Variants in PAQR8 observed in about 807,000 individuals in gnomAD.
PAQR8 encodes the protein membrane progestin receptor beta.
In PAQR8, 17 loss-of-function variants were observed where a neutral mutation model predicts 25.2. That is an observed-to-expected ratio of 0.67 (90% confidence interval 0.46 to 1.01). The LOEUF is 1.01. Among genes scored for constraint, PAQR8 ranks in the 50% least tolerant of loss-of-function variants. The pLI, the probability that PAQR8 is intolerant of heterozygous loss-of-function variation, is 0.00. For synonymous variants in PAQR8, 204 were observed against 190.6 expected (o/e 1.07, Z -0.58); for missense variants, 392 against 448.4 (o/e 0.87, Z 1.14).
intron 1 of PAQR8, among the ~76,000 whole-genome samples, chr6:52,392,401 C>A (rs1763720458): frequency 6.6e-6 from 1 of 151,644 alleles, no homozygotes; most frequent in Non-Finnish European, 1.5e-5. Context: ...ATTGGGACTT[C>A]TAATTTCTTG....
At chr6:52,370,039 C>G (rs1581788338) in intron 1 of PAQR8, among the ~76,000 whole-genome samples, 1 of 151,712 alleles carries the variant, frequency 6.6e-6, no homozygotes, top group Non-Finnish European at 1.5e-5. Context: ...CATGTTAATT[C>G]ATGAAGTGCT....
chr6:52,406,542 C>T lies in PAQR8; in HGVS notation c.*2264C>T, dbSNP rs1763912122. 2.4e-6 allele frequency: 1 copy of T among 413,332 alleles called. No individual in the cohort carries two copies. The highest frequency in any genetic ancestry group is 2.1e-5 in the African/African-American group (1 of 48,608). 25.6% of individuals were successfully genotyped at this position (413,332 alleles called of 1,614,324 possible). A position where few individuals can be genotyped will look rare whatever the true frequency, so the allele number is the denominator to read the frequency against. On this transcript the variant is annotated 3_prime_UTR_variant, in exon 2 of 2. Coordinates refer to ENST00000442253, the MANE Select transcript of PAQR8 (RefSeq NM_133367.5). ...TTTTAATTTATACAAGTATTGGCCC[C>T]TCAAGTGGTTGGAAATTTTTTTTTT... is the stretch of plus-strand genomic sequence containing the variant.
At chr6:52,363,071 A>G (rs1219209660) in intron 1 of PAQR8, among the ~76,000 whole-genome samples, 3 of 152,072 alleles carry the variant, frequency 2.0e-5, no homozygotes, top group Non-Finnish European at 2.9e-5. Flanking sequence ...GGTCGTAGAT[A>G]ACTCGAGAGG....
At chr6:52,385,642 G>T (rs1242610292) in intron 1 of PAQR8, among the ~76,000 whole-genome samples, 1 of 152,170 alleles carries the variant, frequency 6.6e-6, no homozygotes, top group East Asian at 1.9e-4. Context: ...CTAGCACTTT[G>T]GGGGGCAAGG....
chr6:52,407,031 T>TA lies in PAQR8; in HGVS notation c.*2754dup, dbSNP rs1490343299. 1 of 167,402 alleles carries TA rather than the reference T, an allele frequency of 6.0e-6. No individual in the cohort carries two copies. The highest frequency in any genetic ancestry group is 1.5e-5 in the Non-Finnish European group (1 of 68,348). 10.4% of individuals were successfully genotyped at this position (167,402 alleles called of 1,614,324 possible). A position where few individuals can be genotyped will look rare whatever the true frequency, so the allele number is the denominator to read the frequency against. On this transcript the variant is annotated 3_prime_UTR_variant, in exon 2 of 2. Transcript: ENST00000442253. ...CCTTTTAAAACATTTTTGTTAAAGT[T>TA]AGTGTATCAGTAAGAAACAGACCTA...
At chr6:52,398,834 C>T (rs867062323) in intron 1 of PAQR8, among the ~76,000 whole-genome samples, 3 of 152,182 alleles carry the variant, frequency 2.0e-5, no homozygotes, top group East Asian at 3.9e-4. Context: ...GATTTACAGG[C>T]GTGAGCCACT....
intron 1 of PAQR8, among the ~76,000 whole-genome samples, chr6:52,364,365 G>C (rs1485136078): frequency 6.6e-6 from 1 of 152,152 alleles, no homozygotes; most frequent in Non-Finnish European, 1.5e-5. Context: ...TGAGTGGTCA[G>C]GACCTTGCAT....
At chr6:52,378,341 C>G (rs1763509424) in intron 1 of PAQR8, among the ~76,000 whole-genome samples, 2 of 152,216 alleles carry the variant, frequency 1.3e-5, no homozygotes, top group Admixed American at 1.3e-4. Context: ...ACAAGAAGCA[C>G]AGGACAGAAG....
At position 52,404,248 on chromosome 6, in the gene PAQR8, C is replaced by T. The variant is rs3799274; in HGVS notation, c.1035C>T (p.Val345=). The T allele has an allele frequency of 2.8e-4, 457 of 1,603,900 alleles. 2 individuals are homozygous for T. The highest frequency in any genetic ancestry group is 1.0e-3 in the South Asian group (92 of 90,674). The change falls in exon 2 of 2, where the codon GTC becomes GTT. Residue 345 remains valine (V), a synonymous_variant. Coordinates refer to ENST00000442253, the MANE Select transcript of PAQR8 (RefSeq NM_133367.5). The stretch of plus-strand genomic sequence containing the variant: ...CCGCAGCCCTTCTGAGGCACAAAGT[C>T]AAGGCCAGACTGACCAAGAAAGATT... ...AATAALLRHK[V]KARLTKKDS is the part of the protein sequence containing the mutation.
intron 1 of PAQR8, among the ~76,000 whole-genome samples, chr6:52,387,094 G>A (rs529194059): frequency 6.6e-6 from 1 of 152,172 alleles, no homozygotes; most frequent in African/African-American, 2.4e-5. Flanking sequence ...TCACTTCTCT[G>A]CAACTGATTA....
intron 1 of PAQR8, among the ~76,000 whole-genome samples, chr6:52,378,453 A>G (rs947202039): frequency 5.9e-5 from 9 of 152,254 alleles, no homozygotes; most frequent in African/African-American, 2.2e-4. Flanking sequence ...AATATACCCC[A>G]TTCCAGATAT....
intron 1 of PAQR8, among the ~76,000 whole-genome samples, chr6:52,371,327 A>T (rs925537384): frequency 6.6e-6 from 1 of 152,194 alleles, no homozygotes; most frequent in Non-Finnish European, 1.5e-5. Flanking sequence ...ATATATGTAC[A>T]GTGGACATTC....
intron 1 of PAQR8, among the ~76,000 whole-genome samples, chr6:52,370,045 GTGCTA>G (rs1763399200): frequency 6.6e-6 from 1 of 151,830 alleles, no homozygotes; most frequent in Non-Finnish European, 1.5e-5. Context: ...AATTCATGAA[GTGCTA>G]AAGGTATTTC....
intron 1 of PAQR8, among the ~76,000 whole-genome samples, chr6:52,375,516 T>G (rs1219602186): frequency 6.6e-6 from 1 of 151,088 alleles, no homozygotes; most frequent in Non-Finnish European, 1.5e-5. Context: ...TTTTGATTAA[T>G]TTTTTTTTAA....
chr6:52,398,808 C>G (rs1458536821), intron 1 of PAQR8, among the ~76,000 whole-genome samples: 1 of 152,228 alleles, frequency 6.6e-6, no homozygotes, highest in African/African-American at 2.4e-5. Flanking sequence ...CCCACCTCAG[C>G]CTCCCAAAGT....
chr6:52,368,503 G>A (rs1763380620), intron 1 of PAQR8, among the ~76,000 whole-genome samples: 1 of 152,054 alleles, frequency 6.6e-6, no homozygotes, highest in African/African-American at 2.4e-5. Context: ...AAGAAGAAAA[G>A]GGAATTAAAA....
chr6:52,362,754 G>A lies in PAQR8; in HGVS notation c.-53+505G>A, dbSNP rs1763305222. Among the ~76,000 whole-genome samples the A allele has an allele frequency of 6.6e-6, 1 of 152,168 alleles. No homozygotes were observed. The highest frequency in any genetic ancestry group is 6.5e-5 in the Admixed American group (1 of 15,288). ...GGAACGGAACCTGGGAGGGGAGTGCGGAGGAGAGGAAGCCCGGGGCGGTAG... is the reference window on the plus strand; with the variant it reads ...GGAACGGAACCTGGGAGGGGAGTGCAGAGGAGAGGAAGCCCGGGGCGGTAG... On this transcript the variant is annotated intron_variant, in intron 1 of 1. Coordinates refer to ENST00000442253, the MANE Select transcript of PAQR8 (RefSeq NM_133367.5). The surrounding 1 kb of genome is among the most constrained non-coding windows in gnomAD (Gnocchi z 4.1).
chr6:52,406,396 AAG>A lies in PAQR8; in HGVS notation c.*2124_*2125del, dbSNP rs141632223. On this transcript the variant is annotated 3_prime_UTR_variant, in exon 2 of 2. Coordinates refer to ENST00000442253, the MANE Select transcript of PAQR8 (RefSeq NM_133367.5). ...TAGTTCAAATCCACGTATTTTTTAA[AAG>A]AGAGAACCGGAGGTAGAGCAATGAT... The A allele has an allele frequency of 0.036, 14,975 of 412,930 alleles. 348 individuals carry two copies. Among genetic ancestry groups the A allele is most frequent in the Non-Finnish European group, 0.048 (10,885 of 225,846 alleles). The allele number at this position is 412,930 out of a possible 1,614,324, so 25.6% of individuals were successfully genotyped here.
At chr6:52,389,362 T>C (rs572666947) in intron 1 of PAQR8, among the ~76,000 whole-genome samples, 35 of 152,304 alleles carry the variant, frequency 2.3e-4, no homozygotes, top group African/African-American at 7.2e-4. Context: ...TGTTTGCTGA[T>C]AGAAATAAAG....
Sources: allele counts gnomAD v4.1 joint callset (sites outside exome capture counted in the v4.1 genomes callset), GRCh38; gene constraint gnomAD v4.1.1; non-coding constraint Gnocchi (gnomAD v3.1); transcripts MANE v1.5; gene names NCBI Gene and HGNC (gene_info 2026-07-23, HGNC 2026-07-21).